The following OTUD7A variants were observed in gnomAD, a reference collection of about 807,000 sequenced individuals.
The protein encoded by OTUD7A is OTU deubiquitinase 7A.
Under a neutral mutation model 65.7 loss-of-function variants are expected in OTUD7A, and 12 were observed. The ratio of observed to expected loss-of-function variants is 0.18; its 90% confidence interval spans 0.12 to 0.30. OTUD7A has a LOEUF of 0.30. OTUD7A is among the 10% of genes least tolerant of loss of function. OTUD7A has a pLI of 1.00. For synonymous variants in OTUD7A, 641 were observed against 586.3 expected (o/e 1.09, Z -1.35); for missense variants, 1,148 against 1,304.8 (o/e 0.88, Z 1.85).
chr15:31,731,268 G>A (rs775562707), intron 1 of OTUD7A, among the ~76,000 whole-genome samples: 2 of 152,162 alleles, frequency 1.3e-5, no homozygotes, highest in African/African-American at 2.4e-5. Flanking sequence ...AGATAAGAAC[G>A]CAGATGTTTA....
chr15:31,558,501 G>C (rs1352182592), intron 5 of OTUD7A: 1 of 175,166 alleles, frequency 5.7e-6, no homozygotes, highest in Non-Finnish European at 1.2e-5. Flanking sequence ...GTACCCCAAA[G>C]CGTTGCCGGG....
At chr15:31,520,554 G>T (rs1176367127) in intron 8 of OTUD7A, among the ~76,000 whole-genome samples, 1 of 152,138 alleles carries the variant, frequency 6.6e-6, no homozygotes, top group East Asian at 1.9e-4. Context: ...ATTCTACAAG[G>T]AAACCTATGT....
At chr15:31,643,812 G>A (rs1052161313) in intron 3 of OTUD7A, among the ~76,000 whole-genome samples, 10 of 152,186 alleles carry the variant, frequency 6.6e-5, no homozygotes, top group African/African-American at 2.4e-4. Flanking sequence ...GAGAGAGGAG[G>A]TAAAAAGAGA....
chr15:31,779,435 C>T (rs1895477715), intron 1 of OTUD7A, among the ~76,000 whole-genome samples: 1 of 152,210 alleles, frequency 6.6e-6, no homozygotes, highest in Non-Finnish European at 1.5e-5. Flanking sequence ...CACTGCCAAC[C>T]TGTTACATTA....
At chr15:31,551,010 G>T (rs1019505368) in intron 5 of OTUD7A, among the ~76,000 whole-genome samples, 1 of 152,208 alleles carries the variant, frequency 6.6e-6, no homozygotes, top group Non-Finnish European at 1.5e-5. Flanking sequence ...ACACCTGGGA[G>T]AGGGCAGGTA....
chr15:31,645,159 T>A (rs1395846002), intron 3 of OTUD7A, among the ~76,000 whole-genome samples: 2 of 152,230 alleles, frequency 1.3e-5, no homozygotes, highest in Admixed American at 6.5e-5. Context: ...GGGTTCCCCC[T>A]CCCTGTACCA....
chr15:31,764,565 T>A (rs941467080), intron 1 of OTUD7A, among the ~76,000 whole-genome samples: 1 of 152,038 alleles, frequency 6.6e-6, no homozygotes, highest in Non-Finnish European at 1.5e-5. Flanking sequence ...AAGATGAGAG[T>A]CATTTATACT....
chr15:31,842,482 G>A (rs1897206921), intron 1 of OTUD7A, among the ~76,000 whole-genome samples: 1 of 152,230 alleles, frequency 6.6e-6, no homozygotes. Context: ...CAAGAGATCA[G>A]ATTTTCACAG....
intron 1 of OTUD7A, among the ~76,000 whole-genome samples, chr15:31,864,777 AC>A (rs1897835021): frequency 6.6e-6 from 1 of 151,318 alleles, no homozygotes; most frequent in African/African-American, 2.5e-5. Flanking sequence ...ACACACACAC[AC>A]ACACACACAC....
intron 3 of OTUD7A, among the ~76,000 whole-genome samples, chr15:31,627,247 C>A (rs1400511089): frequency 7.9e-5 from 10 of 125,902 alleles, no homozygotes; most frequent in African/African-American, 1.4e-4. Flanking sequence ...CCCCTCCCCC[C>A]ACCCCACAAC....
chr15:31,607,170 T>C (rs935344718), intron 3 of OTUD7A, among the ~76,000 whole-genome samples: 1 of 152,208 alleles, frequency 6.6e-6, no homozygotes, highest in Non-Finnish European at 1.5e-5. Context: ...ACTTTCCCCA[T>C]TGGGAATATT....
chr15:31,835,506 A>G (rs928440730), intron 1 of OTUD7A, among the ~76,000 whole-genome samples: 12 of 152,218 alleles, frequency 7.9e-5, no homozygotes, highest in Admixed American at 3.3e-4. Context: ...ACCGCAAATA[A>G]TAAGTACAAG....
At chr15:31,764,965 A>G (rs1895060325) in intron 1 of OTUD7A, among the ~76,000 whole-genome samples, 1 of 152,176 alleles carries the variant, frequency 6.6e-6, no homozygotes, top group African/African-American at 2.4e-5. Context: ...TAAAAAATAA[A>G]TACCTTATGG....
At chr15:31,622,984 T>A (rs527975843) in intron 3 of OTUD7A, among the ~76,000 whole-genome samples, 99 of 152,340 alleles carry the variant, frequency 6.5e-4, no homozygotes, top group African/African-American at 2.3e-3. Context: ...CTTCTAATAG[T>A]CAGGACCCTC....
chr15:31,588,292 T>A (rs1466577894), intron 3 of OTUD7A, among the ~76,000 whole-genome samples: 2 of 152,200 alleles, frequency 1.3e-5, no homozygotes, highest in Non-Finnish European at 2.9e-5. Flanking sequence ...GCAGTCTGGC[T>A]CCATTTATTT....
At chr15:31,592,929 AT>A (rs1889788748) in intron 3 of OTUD7A, among the ~76,000 whole-genome samples, 5 of 92,526 alleles carry the variant, frequency 5.4e-5, no homozygotes, top group Admixed American at 1.1e-4. Flanking sequence ...ATATATATAT[AT>A]ATATATGTAT....
rs1300496173 is a variant in OTUD7A, at chr15:31,477,118, T to C, written c.*6176A>G. The C allele has an allele frequency of 6.6e-6, 1 of 152,310 alleles. No homozygotes were observed. The highest frequency in any genetic ancestry group is 1.5e-5 in the Non-Finnish European group (1 of 68,118). 9.4% of individuals were successfully genotyped at this position (152,310 alleles called of 1,614,324 possible). On this transcript the variant is annotated 3_prime_UTR_variant, in exon 13 of 13. Transcript: ENST00000307050. The stretch of plus-strand genomic sequence containing the variant: ...CTCTCTGGCCCTGCTGCTTCCAAAT[T>C]TGTCAATGCAGTTACCCAGCCCTGA...
rs552817617 is a variant in OTUD7A, at chr15:31,561,526, C to T, written c.332-2339G>A. Among the ~76,000 whole-genome samples the T allele has an allele frequency of 1.4e-4, 21 of 152,230 alleles. No individual in the cohort carries two copies. The South Asian group carries it at 4.0e-3, about 29-fold the overall frequency. ...TGTCCAGGGGCACCCATGCTCCTCC[C>T]GGGCCCATCAATCAGCACCCACATG... On this transcript the variant is annotated intron_variant, in intron 4 of 12. Transcript: ENST00000307050.
At chr15:31,668,261 C>G (rs1446627789) in intron 1 of OTUD7A, among the ~76,000 whole-genome samples, 1 of 152,196 alleles carries the variant, frequency 6.6e-6, no homozygotes, top group African/African-American at 2.4e-5. Context: ...TTAGAAATCT[C>G]TTATTCCTCA....
Sources: allele counts gnomAD v4.1 joint callset (sites outside exome capture counted in the v4.1 genomes callset), GRCh38; gene constraint gnomAD v4.1.1; transcripts MANE v1.5; gene names NCBI Gene and HGNC (gene_info 2026-07-23, HGNC 2026-07-21).